The following FAM53A variants were observed in gnomAD, a reference collection of about 807,000 sequenced individuals.
FAM53A encodes the protein protein FAM53A.
In FAM53A, 28 loss-of-function variants were observed where a neutral mutation model predicts 26.6. That is an observed-to-expected ratio of 1.05 (90% confidence interval 0.78 to 1.45). The LOEUF (loss-of-function observed/expected upper bound fraction) is 1.45, where lower values mean the gene tolerates loss of function less well. Among genes scored for constraint, FAM53A ranks in the 40% most tolerant of loss-of-function variants. The pLI, the probability that FAM53A is intolerant of heterozygous loss-of-function variation, is 0.00. For synonymous variants in FAM53A, 290 were observed against 253.1 expected, an observed-to-expected ratio of 1.15 and a Z score of -1.38; for missense variants, 650 against 575.8, an observed-to-expected ratio of 1.13 and a Z score of -1.32.
At chr4:1,592,822 G>C in the FAM53A span, among the ~76,000 whole-genome samples, 1 of 152,168 alleles carries the variant, frequency 6.6e-6, no homozygotes, top group Admixed American at 6.5e-5. Context: ...GCCTGAGTGG[G>C]CGCCGGGCAC....
chr4:1,685,945 C>T (rs1715787957), upstream of FAM53A, among the ~76,000 whole-genome samples: 1 of 152,146 alleles, frequency 6.6e-6, no homozygotes, highest in South Asian at 2.1e-4. Flanking sequence ...AAATCACAAA[C>T]GTCAGAGCTG....
chr4:1,650,536 G>A (rs753579214), intron 4 of FAM53A, among the ~76,000 whole-genome samples: 9 of 151,982 alleles, frequency 5.9e-5, no homozygotes, highest in African/African-American at 7.2e-5. Context: ...TCACTCTGTC[G>A]CCCAGGCTGG....
chr4:1,618,101 C>T (rs1400990169), exon 2 of FAM53A: 13 of 456,246 alleles, frequency 2.8e-5, no homozygotes, highest in Non-Finnish European at 4.0e-5. Context: ...TGAAACAGTC[C>T]GTGAGGCAAC....
At chr4:1,680,377 C>A (rs1227710011) in intron 1 of FAM53A, among the ~76,000 whole-genome samples, 1 of 147,004 alleles carries the variant, frequency 6.8e-6, no homozygotes, top group Non-Finnish European at 1.5e-5. Flanking sequence ...CCACTACACA[C>A]CAATTAGAAT....
At chr4:1,585,369 C>G in the FAM53A span, among the ~76,000 whole-genome samples, 2 of 145,346 alleles carry the variant, frequency 1.4e-5, no homozygotes, top group Admixed American at 1.4e-4. Flanking sequence ...TCACTGCAAC[C>G]TCTGCCTCCC....
intron 4 of FAM53A, chr4:1,644,607 C>T: frequency 2.3e-6 from 1 of 444,300 alleles, no homozygotes; most frequent in Non-Finnish European, 4.0e-6. Flanking sequence ...GTCCCAGCTC[C>T]TGCTACCATC....
intron 1 of FAM53A, among the ~76,000 whole-genome samples, chr4:1,631,054 A>G: frequency 6.6e-6 from 1 of 152,214 alleles, no homozygotes; most frequent in East Asian, 1.9e-4. Context: ...AAAATAATAT[A>G]ATAATAAATT....
chr4:1,642,654 C>T (rs925164945), intron 4 of FAM53A, among the ~76,000 whole-genome samples: 1 of 152,168 alleles, frequency 6.6e-6, no homozygotes, highest in Non-Finnish European at 1.5e-5. Context: ...AGCCCCTCAG[C>T]ACTCCCGGGC....
downstream of FAM53A, among the ~76,000 whole-genome samples, chr4:1,616,155 T>A (rs1392643021): frequency 6.6e-6 from 1 of 152,116 alleles, no homozygotes; most frequent in Non-Finnish European, 1.5e-5. Context: ...AGAGGAAGCA[T>A]GTGAGACTGC....
the FAM53A span, among the ~76,000 whole-genome samples, chr4:1,595,836 C>T: frequency 1.3e-5 from 2 of 152,206 alleles, no homozygotes; most frequent in Non-Finnish European, 2.9e-5. Flanking sequence ...GGCCCTTTGT[C>T]TCTTCCTCTC....
At chr4:1,608,920 C>A in the FAM53A span, among the ~76,000 whole-genome samples, 2 of 152,166 alleles carry the variant, frequency 1.3e-5, no homozygotes, top group East Asian at 3.9e-4. Context: ...GGGACAGGGA[C>A]CATGCGGGTT....
the FAM53A span, among the ~76,000 whole-genome samples, chr4:1,602,840 C>T: frequency 2.0e-5 from 3 of 152,144 alleles, no homozygotes; most frequent in South Asian, 4.1e-4. Flanking sequence ...CAGCAGGAGC[C>T]GGCTCCGGCG....
the FAM53A span, among the ~76,000 whole-genome samples, chr4:1,610,413 C>T: frequency 3.3e-5 from 5 of 152,220 alleles, no homozygotes; most frequent in African/African-American, 9.6e-5. Flanking sequence ...AGTGAGCAGG[C>T]TCTCGGATGC....
At chr4:1,610,007 A>G in the FAM53A span, among the ~76,000 whole-genome samples, 24 of 152,130 alleles carry the variant, frequency 1.6e-4, no homozygotes, top group African/African-American at 5.1e-4. Context: ...ACAGTTCTTT[A>G]TAGCAGCATG....
chr4:1,658,066 A>C (rs542246381), intron 2 of FAM53A, among the ~76,000 whole-genome samples: 30 of 151,016 alleles, frequency 2.0e-4, no homozygotes, highest in Non-Finnish European at 4.0e-4. Context: ...ACTGGAGTGC[A>C]GTGGTGCTAT....
At chr4:1,578,002 T>C in the FAM53A span, among the ~76,000 whole-genome samples, 118,048 of 151,884 alleles carry the variant, frequency 0.78, 45,947 homozygotes, top group East Asian at 0.87. Flanking sequence ...GCCCTTGACC[T>C]GGCTGCCCTT....
chr4:1,643,492 C>T (rs1175251603), intron 4 of FAM53A, among the ~76,000 whole-genome samples: 3 of 151,460 alleles, frequency 2.0e-5, no homozygotes, highest in Non-Finnish European at 2.9e-5. Flanking sequence ...AGACAAAAGA[C>T]GAATTGACAT....
the FAM53A span, among the ~76,000 whole-genome samples, chr4:1,579,746 C>T: frequency 2.0e-5 from 3 of 152,174 alleles, no homozygotes; most frequent in Non-Finnish European, 4.4e-5. Flanking sequence ...GGGCGCCTCC[C>T]GCCACGGGCT....
rs556533303 is a variant in FAM53A, at chr4:1,646,193, C to T, written c.883-4586G>A. 1.5e-3 allele frequency among the ~76,000 whole-genome samples: 231 copies of T among 152,248 alleles called. 1 individual carries two copies. Among genetic ancestry groups the T allele is most frequent in the African/African-American group, 5.3e-3 (219 of 41,540 alleles). ...TCGGCTCACTGCAACCTCCGCCTCC[C>T]GGGTTCAGGCCATTCTCCTGCCTCA... On this transcript the variant is annotated intron_variant, in intron 4 of 4. Transcript: ENST00000308132.
Sources: gnomAD v4.1 joint callset for allele counts (sites outside exome capture counted in the v4.1 genomes callset) on GRCh38, gnomAD v4.1.1 for gene constraint, MANE v1.5 for transcripts, NCBI Gene and HGNC (gene_info 2026-07-23, HGNC 2026-07-21) for gene names.